Variants in KLHDC1 observed in about 807,000 individuals in gnomAD.
KLHDC1 encodes the protein kelch domain containing 1.
In KLHDC1, 53 loss-of-function variants were observed where a neutral mutation model predicts 68.3. The observed-to-expected ratio is 0.78, with a 90% CI of 0.62 to 0.98. The LOEUF is 0.98. Among genes scored for constraint, KLHDC1 ranks in the 50% least tolerant of loss-of-function variants. The pLI is 0.00. For missense variants in KLHDC1, 470 were observed against 492.3 expected (o/e 0.95, Z 0.43); for synonymous variants, 148 against 159.0 (o/e 0.93, Z 0.52).
chr14:49,704,288 C>CT (rs769589245), intron 1 of KLHDC1, among the ~76,000 whole-genome samples: 3 of 145,606 alleles, frequency 2.1e-5, no homozygotes, highest in South Asian at 2.2e-4. Context: ...GGATTATTTG[C>CT]TTTTTTTAAC....
chr14:49,715,755 A>AT (rs1190003555), intron 4 of KLHDC1, among the ~76,000 whole-genome samples: 2 of 127,250 alleles, frequency 1.6e-5, no homozygotes, highest in African/African-American at 3.0e-5. Flanking sequence ...AAAAAAAAAA[A>AT]AAAAAAAAAA....
At chr14:49,715,765 A>AATATATATATATATATATATATAT (rs1555339251) in intron 4 of KLHDC1, among the ~76,000 whole-genome samples, 7 of 51,378 alleles carry the variant, frequency 1.4e-4, no homozygotes, top group African/African-American at 5.5e-4. Context: ...AAAAAAAAAA[A>AATATATATATATATATATATATAT]ATATATATAT....
At position 49,706,467 on chromosome 14, in the gene KLHDC1, A is replaced by G. The variant is rs139327512; in HGVS notation, c.97-2692A>G. Among the ~76,000 whole-genome samples, 39 of 152,310 alleles carry G rather than the reference A, an allele frequency of 2.6e-4. No individual in the cohort carries two copies. The East Asian group carries it at 6.0e-3, about 23-fold the overall frequency. ...GGGAGTGCAGATATCTCTGCGATAC[A>G]CTGATTTCCTTTCTTTCGCATATAT... On this transcript the variant is annotated intron_variant, in intron 1 of 12. Coordinates refer to ENST00000359332, the MANE Select transcript of KLHDC1 (RefSeq NM_172193.3).
At chr14:49,697,456 G>A (rs1594644414) in intron 1 of KLHDC1, among the ~76,000 whole-genome samples, 3 of 152,292 alleles carry the variant, frequency 2.0e-5, no homozygotes, top group Admixed American at 2.0e-4. Context: ...TAATAATAAT[G>A]CAAAAGTTTG....
At chr14:49,740,215 G>A (rs1386665913) in intron 11 of KLHDC1, 33 bp downstream of exon 11, 2 of 1,312,774 alleles carry the variant, frequency 1.5e-6, no homozygotes, top group Non-Finnish European at 1.1e-6. Context: ...TATTTCCTCT[G>A]AGTAGTTGTG....
At chr14:49,711,450 G>T (rs1194973593) in intron 4 of KLHDC1, among the ~76,000 whole-genome samples, 1 of 152,100 alleles carries the variant, frequency 6.6e-6, no homozygotes, top group Non-Finnish European at 1.5e-5. Flanking sequence ...TGATCCGCCC[G>T]CCTCGGCCTC....
rs184372641 is a variant in KLHDC1, at chr14:49,752,832, C to T, written c.*1060C>T. On this transcript the variant is annotated 3_prime_UTR_variant, in exon 13 of 13. Coordinates refer to ENST00000359332, the MANE Select transcript of KLHDC1 (RefSeq NM_172193.3). ...TGCCCTTCCATTGAATTATTAATTA[C>T]AATTAATTACTAAAAAGCTTGGTAT... 3.9e-5 allele frequency: 6 copies of T among 152,038 alleles called. No individual in the cohort carries two copies. Among genetic ancestry groups the T allele is most frequent in the Admixed American group, 2.6e-4 (4 of 15,276 alleles). 9.4% of individuals were successfully genotyped at this position (152,038 alleles called of 1,614,324 possible). A position where few individuals can be genotyped will look rare whatever the true frequency, so the allele number is the denominator to read the frequency against.
chr14:49,747,886 T>C (rs1362586003), intron 12 of KLHDC1, among the ~76,000 whole-genome samples: 1 of 152,156 alleles, frequency 6.6e-6, no homozygotes, highest in African/African-American at 2.4e-5. Context: ...GCTGAATTTA[T>C]CCATCATTGC....
At chr14:49,703,781 A>G (rs1221562846) in intron 1 of KLHDC1, among the ~76,000 whole-genome samples, 3 of 152,232 alleles carry the variant, frequency 2.0e-5, no homozygotes, top group Non-Finnish European at 4.4e-5. Flanking sequence ...TTTGAAAATC[A>G]TCATCTCTAG....
At chr14:49,717,706 T>C (rs1888415508) in intron 4 of KLHDC1, among the ~76,000 whole-genome samples, 1 of 148,502 alleles carries the variant, frequency 6.7e-6, no homozygotes, top group Non-Finnish European at 1.5e-5. Flanking sequence ...CCCTCCTCAC[T>C]TTTTTTTTTG....
rs1889345968 is a variant in KLHDC1 at position 49,752,811 on chromosome 14, C to T, written c.*1039C>T. On this transcript the variant is annotated 3_prime_UTR_variant, in exon 13 of 13. Transcript: ENST00000359332. ...TTCTTCATATTATCACAATCATGCC[C>T]TTCCATTGAATTATTAATTACAATT... 1 of 151,986 alleles carries T rather than the reference C, an allele frequency of 6.6e-6. No individual in the cohort carries two copies. The highest frequency in any genetic ancestry group is 2.4e-5 in the African/African-American group (1 of 41,402). 9.4% of individuals were successfully genotyped at this position (151,986 alleles called of 1,614,324 possible).
rs555137879 is a variant in KLHDC1, at chr14:49,698,497, C to T, written c.96+5207C>T. On this transcript the variant is annotated intron_variant, in intron 1 of 12. Transcript: ENST00000359332. Reference sequence around the variant, plus strand: ...GATTACAGGCCTGAGCCACCGCGCTCGGCCTTTGTTTTTTGTTTTGTTTTG... The same window carrying T: ...GATTACAGGCCTGAGCCACCGCGCTTGGCCTTTGTTTTTTGTTTTGTTTTG... Among the ~76,000 whole-genome samples, 18 of 148,744 alleles carry T rather than the reference C, an allele frequency of 1.2e-4. No individual in the cohort carries two copies. In the South Asian group the frequency reaches 2.8e-3, roughly 23 times the overall value.
chr14:49,730,390 T>G (rs901703886), intron 8 of KLHDC1, among the ~76,000 whole-genome samples: 7 of 151,778 alleles, frequency 4.6e-5, no homozygotes, highest in Admixed American at 4.6e-4. Context: ...CCCAGCTAAT[T>G]TTTGTATTTT....
At chr14:49,748,857 GTGGCGCAATCT>G (rs1566623347) in intron 12 of KLHDC1, among the ~76,000 whole-genome samples, 1 of 151,252 alleles carries the variant, frequency 6.6e-6, no homozygotes, top group Non-Finnish European at 1.5e-5. Flanking sequence ...CTGGAGTGCA[GTGGCGCAATCT>G]TGGCTCACTG....
chr14:49,739,979 C>T lies in KLHDC1; in HGVS notation c.897-119C>T, dbSNP rs188095308. 7.0e-4 allele frequency: 396 copies of T among 565,854 alleles called. 4 individuals are homozygous for T. The East Asian group carries it at 0.011, about 16-fold the overall frequency. 35.1% of individuals were successfully genotyped at this position (565,854 alleles called of 1,614,324 possible). On this transcript the variant is annotated intron_variant, in intron 10 of 12. Transcript: ENST00000359332. ...TTAGGATATTCCAAAGGTTCAAGTT[C>T]AATCGTGTCTCTTTTAAATAGATTA...
At position 49,725,940 on chromosome 14, in the gene KLHDC1, C is replaced by T. The variant is rs141504331; in HGVS notation, c.567+171C>T. On this transcript the variant is annotated intron_variant, in intron 6 of 12. Coordinates refer to ENST00000359332, the MANE Select transcript of KLHDC1 (RefSeq NM_172193.3). ...TCAGCTCACTGCAACCTCCGCCTCC[C>T]GGGTTCAGGTGGTTCTCCTGCCTCA... 4.0e-4 allele frequency among the ~76,000 whole-genome samples: 61 copies of T among 152,184 alleles called. No homozygotes were observed. The East Asian group carries it at 9.7e-3, about 24-fold the overall frequency.
intron 12 of KLHDC1, among the ~76,000 whole-genome samples, chr14:49,745,829 T>C (rs1217217975): frequency 6.6e-6 from 1 of 152,192 alleles, no homozygotes; most frequent in African/African-American, 2.4e-5. Context: ...ATCTAGAACT[T>C]TATCTCTCTT....
At chr14:49,722,275 C>G (rs1048464870) in intron 4 of KLHDC1, among the ~76,000 whole-genome samples, 1 of 152,164 alleles carries the variant, frequency 6.6e-6, no homozygotes, top group South Asian at 2.1e-4. Context: ...TATCCCCGAC[C>G]CCATGACAGG....
chr14:49,710,487 A>G (rs1239266245), intron 4 of KLHDC1, 106 bp downstream of exon 4: 3 of 641,242 alleles, frequency 4.7e-6, no homozygotes, highest in African/African-American at 1.8e-5. Context: ...CAGGATTGCA[A>G]TTGATTTTCT....
Sources: gnomAD v4.1 joint callset for allele counts (sites outside exome capture counted in the v4.1 genomes callset) on GRCh38, gnomAD v4.1.1 for gene constraint, MANE v1.5 for transcripts, NCBI Gene and HGNC (gene_info 2026-07-23, HGNC 2026-07-21) for gene names.